The following OPTN variants were observed in gnomAD, a reference collection of about 807,000 sequenced individuals.
OPTN encodes the protein E3-14.7K-interacting protein.
Under a neutral mutation model 70.4 loss-of-function variants are expected in OPTN, and 54 were observed. The ratio of observed to expected loss-of-function variants is 0.77; its 90% CI spans 0.62 to 0.96. OPTN has a LOEUF of 0.96. OPTN is among the 40% of genes least tolerant of loss of function. The pLI is 0.00. For missense variants in OPTN, 624 were observed against 673.2 expected (o/e 0.93, Z 0.81); for synonymous variants, 256 against 248.5 (o/e 1.03, Z -0.28).
chr10:13,119,018 G>T lies in OPTN; in HGVS notation c.757G>T (p.Ala253Ser), dbSNP rs765989251. Residue 253 changes from alanine to serine, a missense_variant, in exon 7 of 15, where the codon GCA becomes TCA. By Grantham distance (99) the Ala-to-Ser change is moderately conservative. Coordinates refer to ENST00000378747, the MANE Select transcript of OPTN (RefSeq NM_001008212.2). ...GNQKVERLEV[A>S]LKEAKERVSD... ...TCAGAAGGTGGAGAGACTTGAAGTTGCACTCAAGGAGGCCAAAGAAAGGTA... is the reference window on the plus strand; with the variant it reads ...TCAGAAGGTGGAGAGACTTGAAGTTTCACTCAAGGAGGCCAAAGAAAGGTA... 1 of 1,614,162 alleles carries T rather than the reference G, an allele frequency of 6.2e-7. No individual in the cohort carries two copies. The highest frequency in any genetic ancestry group is 8.5e-7 in the Non-Finnish European group (1 of 1,180,004).
chr10:13,127,691 A>G, intron 11 of OPTN, 54 bp from the exon 12 acceptor site: 1 of 1,579,212 alleles, frequency 6.3e-7, no homozygotes, highest in Admixed American at 1.7e-5. Flanking sequence ...ATATTTTACT[A>G]AAACAGGCAG....
chr10:13,122,797 C>T (rs951332671), intron 8 of OPTN: 2 of 338,576 alleles, frequency 5.9e-6, no homozygotes, highest in Non-Finnish European at 5.7e-6. Flanking sequence ...CTGCCTCAGC[C>T]TCCCAAGTAG....
chr10:13,105,662 A>G (rs1832850224), intron 1 of OPTN, among the ~76,000 whole-genome samples: 1 of 152,186 alleles, frequency 6.6e-6, no homozygotes, highest in African/African-American at 2.4e-5. Flanking sequence ...TAATTCCAGC[A>G]CTTTGGGAGG....
chr10:13,111,704 A>T (rs1244066046), intron 4 of OPTN, among the ~76,000 whole-genome samples: 1 of 152,056 alleles, frequency 6.6e-6, no homozygotes, highest in Non-Finnish European at 1.5e-5. Context: ...TGGGAAAAAA[A>T]AATTGTCAGG....
intron 9 of OPTN, among the ~76,000 whole-genome samples, chr10:13,124,540 A>G (rs1316265897): frequency 6.6e-6 from 1 of 152,242 alleles, no homozygotes; most frequent in Non-Finnish European, 1.5e-5. Context: ...TCAGGCTAAC[A>G]TGTAGATTGA....
At chr10:13,125,275 A>T in intron 9 of OPTN, 143 bp from the exon 10 acceptor site, 1 of 847,080 alleles carries the variant, frequency 1.2e-6, no homozygotes, top group Non-Finnish European at 1.9e-6. Context: ...TGAAGAAGCA[A>T]GGAGGATTAT....
At chr10:13,115,896 A>G (rs1833196805) in intron 5 of OPTN, among the ~76,000 whole-genome samples, 1 of 151,866 alleles carries the variant, frequency 6.6e-6, no homozygotes, top group Non-Finnish European at 1.5e-5. Flanking sequence ...TTGCATTTTA[A>G]AGGAAGGATA....
intron 1 of OPTN, among the ~76,000 whole-genome samples, chr10:13,102,621 G>A (rs972329568): frequency 6.6e-6 from 1 of 152,190 alleles, no homozygotes; most frequent in Non-Finnish European, 1.5e-5. Context: ...AAGCCTGTGG[G>A]GATGGAGAGG....
In OPTN at chr10:13,114,803, C is replaced by CG. The variant is rs1564358784; in HGVS notation, c.553-1464_553-1463insG. Among the ~76,000 whole-genome samples, 21 of 16,826 alleles carry CG rather than the reference C, an allele frequency of 1.2e-3. 2 individuals are homozygous for CG. Among genetic ancestry groups the CG allele is most frequent in the East Asian group, 7.6e-3 (4 of 526 alleles). 11.0% of individuals were successfully genotyped at this position (16,826 alleles called of 152,430 possible). A position where few individuals can be genotyped will look rare whatever the true frequency, so the allele number is the denominator to read the frequency against. On this transcript the variant is annotated intron_variant, in intron 5 of 14. Transcript: ENST00000378747. ...TTATATAATTATATAATTATATATA[C>CG]ATATATATAATTATATAATTATATA...
chr10:13,110,093 C>G, intron 3 of OPTN, 181 bp from the exon 4 acceptor site: 1 of 1,072,704 alleles, frequency 9.3e-7, no homozygotes, highest in Non-Finnish European at 1.3e-6. Context: ...ATGTTCATCC[C>G]GCTAGTCTTT....
Position 13,114,060 on chromosome 10 carries a change from C to G in OPTN, c.552+1425C>G, listed in dbSNP as rs144805993. On this transcript the variant is annotated intron_variant, in intron 5 of 14. Coordinates refer to ENST00000378747, the MANE Select transcript of OPTN (RefSeq NM_001008212.2). ...CCAGCCTGGGTGACAGAGCAAGACTCTGTCTTTAAATTTAAAAAAAAAAGA... is the reference window on the plus strand; with the variant it reads ...CCAGCCTGGGTGACAGAGCAAGACTGTGTCTTTAAATTTAAAAAAAAAAGA... Among the ~76,000 whole-genome samples the G allele has an allele frequency of 2.6e-3, 398 of 151,732 alleles. 4 individuals carry two copies. The highest frequency in any genetic ancestry group is 9.4e-3 in the African/African-American group (388 of 41,326).
At chr10:13,111,058 T>C (rs1374640737) in intron 4 of OPTN, among the ~76,000 whole-genome samples, 2 of 152,146 alleles carry the variant, frequency 1.3e-5, no homozygotes, top group East Asian at 3.9e-4. Flanking sequence ...TCAAAGATGA[T>C]AGTAATGACA....
chr10:13,100,556 G>A (rs1832718315), intron 1 of OPTN, among the ~76,000 whole-genome samples: 2 of 152,238 alleles, frequency 1.3e-5, no homozygotes, highest in Non-Finnish European at 2.9e-5. Context: ...AGGGTCCAGG[G>A]CCGGCCTCTT....
intron 5 of OPTN, among the ~76,000 whole-genome samples, chr10:13,115,114 T>A (rs866031365): frequency 1.2e-5 from 1 of 80,736 alleles, no homozygotes; most frequent in Non-Finnish European, 2.0e-5. Context: ...TTATATATAT[T>A]ATATATATAT....
At chr10:13,128,502 CTTTTTTTTTT>C (rs56147136) in intron 12 of OPTN, among the ~76,000 whole-genome samples, 6 of 33,486 alleles carry the variant, frequency 1.8e-4, no homozygotes, top group Admixed American at 4.1e-4. Flanking sequence ...TCAAGCCTGC[CTTTTTTTTTT>C]TTTTTTTTTT....
At position 13,122,420 on chromosome 10, in the gene OPTN, C is replaced by A; in HGVS notation, c.815C>A (p.Ser272Tyr). 1 of 1,613,888 alleles carries A rather than the reference C, an allele frequency of 6.2e-7. No homozygotes were observed. Among genetic ancestry groups the A allele is most frequent in the South Asian group, 1.1e-5 (1 of 91,064 alleles). Residue 272 changes from serine (S) to tyrosine (Y), a missense_variant, in exon 8 of 15, where the codon TCT becomes TAT. Ser to Tyr is a moderately radical substitution (Grantham distance 144, BLOSUM62 -2). Transcript: ENST00000378747. ...SDFEKKTSNR[S>Y]EIETQTEGST... ...TTTGAAAAGAAAACAAGTAATCGTT[C>A]TGAGATTGAAACCCAGACAGAGGGG... is the stretch of plus-strand genomic sequence containing the variant.
intron 2 of OPTN, among the ~76,000 whole-genome samples, chr10:13,108,535 T>C (rs1196173548): frequency 2.0e-5 from 3 of 148,470 alleles, no homozygotes; most frequent in Admixed American, 6.9e-5. Context: ...CCCAAATCCT[T>C]ATTGTACCCT....
rs960735645 is a variant in OPTN, at chr10:13,116,330, T to G, written c.616T>G (p.Ser206Ala). 1 of 1,612,894 alleles carries G rather than the reference T, an allele frequency of 6.2e-7. No homozygotes were observed. Among genetic ancestry groups the G allele is most frequent in the Non-Finnish European group, 8.5e-7 (1 of 1,178,982 alleles). ...KHSPGPTRTV[S>A]TGTALSKYRS... ...TAGTCCTGGGCCCACGAGAACAGTC[T>G]CCACTGGCACGTATGTGAAGGAAGA... Residue 206 changes from serine to alanine, a missense_variant, in exon 6 of 15, where the codon TCC becomes GCC. Physicochemically the swap from Ser to Ala is moderately conservative, Grantham distance 99 (BLOSUM62 1). Coordinates refer to ENST00000378747, the MANE Select transcript of OPTN (RefSeq NM_001008212.2).
intron 1 of OPTN, among the ~76,000 whole-genome samples, chr10:13,101,697 C>T (rs562895): frequency 0.97 from 147,765 of 152,296 alleles, 71,867 homozygotes; most frequent in East Asian, 1. Context: ...GTATGAGGAG[C>T]ATTAGAATCT....
Sources: allele counts gnomAD v4.1 joint callset (sites outside exome capture counted in the v4.1 genomes callset), GRCh38; gene constraint gnomAD v4.1.1; transcripts MANE v1.5; gene names NCBI Gene and HGNC (gene_info 2026-07-23, HGNC 2026-07-21).